Variants in PDE3A observed in about 807,000 individuals in gnomAD.
PDE3A encodes the protein phosphodiesterase 3A.
In PDE3A, 43 loss-of-function variants were observed where a neutral mutation model predicts 98.3. The ratio of observed to expected loss-of-function variants is 0.44; its 90% confidence interval spans 0.34 to 0.56. The LOEUF is 0.56. Ranked by LOEUF, PDE3A falls within the 20% of genes least tolerant of loss-of-function variation. PDE3A has a pLI of 0.01. For synonymous variants in PDE3A, 663 were observed against 567.9 expected (o/e 1.17, Z -2.38); for missense variants, 1,427 against 1,440.7 (o/e 0.99, Z 0.15).
rs58133440 is a variant in PDE3A at position 20,631,700 on chromosome 12, A to ATTTTTT, written c.1760+1584_1760+1589dup. Among the ~76,000 whole-genome samples the ATTTTTT allele has an allele frequency of 1.0e-3, 121 of 116,870 alleles. 1 individual carries two copies. The highest frequency in any genetic ancestry group is 1.3e-3 in the Admixed American group (15 of 11,838). The allele number at this position is 116,870 out of a possible 152,430, so 76.7% of individuals were successfully genotyped here. ...CACGCAGCTTTTTTCATCATAGTGT[A>ATTTTTT]TTTTTTTTTTTTTTTTGTATTCTTA... On this transcript the variant is annotated intron_variant, in intron 6 of 15. Transcript: ENST00000359062.
chr12:20,558,677 A>T (rs918191841), intron 2 of PDE3A, among the ~76,000 whole-genome samples: 1 of 146,990 alleles, frequency 6.8e-6, no homozygotes, highest in Non-Finnish European at 1.5e-5. Flanking sequence ...TCTGATTTCA[A>T]TTCCCTGCTG....
intron 1 of PDE3A, among the ~76,000 whole-genome samples, chr12:20,432,881 G>A (rs1309556329): frequency 6.6e-6 from 1 of 151,912 alleles, no homozygotes; most frequent in Non-Finnish European, 1.5e-5. Flanking sequence ...TTGTGCTGGA[G>A]TAGAAAACCC....
At chr12:20,400,774 T>C (rs575942877) in intron 1 of PDE3A, among the ~76,000 whole-genome samples, 14 of 152,306 alleles carry the variant, frequency 9.2e-5, no homozygotes, top group African/African-American at 3.1e-4. Context: ...CTTTTCTCTA[T>C]TGCTAATTTT....
intron 8 of PDE3A, among the ~76,000 whole-genome samples, chr12:20,636,741 T>C (rs1944523253): frequency 6.6e-6 from 1 of 152,190 alleles, no homozygotes; most frequent in Non-Finnish European, 1.5e-5. Flanking sequence ...TTACATGTAA[T>C]TTCAGAATAT....
chr12:20,626,690 G>A (rs1944270600), intron 5 of PDE3A, among the ~76,000 whole-genome samples: 1 of 152,032 alleles, frequency 6.6e-6, no homozygotes, highest in Admixed American at 6.6e-5. Flanking sequence ...TAGAGATGGG[G>A]TTTCACCATG....
chr12:20,645,292 T>G (rs73238407), intron 10 of PDE3A, among the ~76,000 whole-genome samples: 35,336 of 151,942 alleles, frequency 0.23, 4,526 homozygotes, highest in East Asian at 0.44. Flanking sequence ...AGCTGCATAT[T>G]GTCACTTAAA....
chr12:20,589,297 G>A (rs527620294), intron 2 of PDE3A, among the ~76,000 whole-genome samples: 3 of 151,860 alleles, frequency 2.0e-5, no homozygotes, highest in East Asian at 3.9e-4. Flanking sequence ...AGAGCAAATT[G>A]GAAATTGAAA....
chr12:20,648,847 G>T lies in PDE3A; in HGVS notation c.2725G>T (p.Asp909Tyr). ...TGTCATTGAAGCAATTTTGGCCACT[G>T]ACCTGAAGAAACACTTTGACTTCGT... is the stretch of plus-strand genomic sequence containing the variant. Reference protein sequence around the residue: ...FLVIEAILATDLKKHFDFVAK... With the variant: ...FLVIEAILATYLKKHFDFVAK... Residue 909 changes from aspartate (D) to tyrosine (Y), a missense_variant, in exon 13 of 16, where the codon GAC becomes TAC. Asp to Tyr is a radical substitution (Grantham distance 160). Around this residue, in one of 3 missense-constraint regions of PDE3A, gnomAD observed 273 missense variants for 420.3 expected, o/e 0.65. Transcript: ENST00000359062. The T allele has an allele frequency of 6.2e-7, 1 of 1,613,386 alleles. No individual in the cohort carries two copies. Among genetic ancestry groups the T allele is most frequent in the Non-Finnish European group, 8.5e-7 (1 of 1,179,764 alleles).
intron 1 of PDE3A, among the ~76,000 whole-genome samples, chr12:20,465,656 G>A (rs943934914): frequency 1.3e-5 from 2 of 152,170 alleles, no homozygotes; most frequent in East Asian, 1.9e-4. Context: ...TAATCTGCCC[G>A]CCTCAGCCTC....
chr12:20,574,213 T>C (rs1401797982), intron 2 of PDE3A, among the ~76,000 whole-genome samples: 1 of 152,058 alleles, frequency 6.6e-6, no homozygotes, highest in Non-Finnish European at 1.5e-5. Flanking sequence ...GGGGTAAAAT[T>C]AACTATACCT....
chr12:20,631,270 C>A (rs549220992), intron 6 of PDE3A, among the ~76,000 whole-genome samples: 1 of 152,264 alleles, frequency 6.6e-6, no homozygotes, highest in East Asian at 1.9e-4. Context: ...CACAAAAGAG[C>A]AAGTTCTGTA....
Position 20,616,397 on chromosome 12 carries a change from T to C in PDE3A, c.1424+13T>C. ...CACCTTCATCCAGGTGGCATACGGC[T>C]CCTGCTGGTTTAATGTCTCTTAGAG... On this transcript the variant is annotated intron_variant, in intron 4 of 15. Coordinates refer to ENST00000359062, the MANE Select transcript of PDE3A (RefSeq NM_000921.5). 1 of 1,611,066 alleles carries C rather than the reference T, an allele frequency of 6.2e-7. No individual in the cohort carries two copies. Among genetic ancestry groups the C allele is most frequent in the East Asian group, 2.2e-5 (1 of 44,790 alleles).
At chr12:20,527,473 A>G (rs1353248939) in intron 1 of PDE3A, among the ~76,000 whole-genome samples, 1 of 152,168 alleles carries the variant, frequency 6.6e-6, no homozygotes, top group African/African-American at 2.4e-5. Context: ...AGATAAATAG[A>G]AAGGCTATGA....
chr12:20,408,448 G>A (rs1484775855), intron 1 of PDE3A, among the ~76,000 whole-genome samples: 1 of 151,994 alleles, frequency 6.6e-6, no homozygotes, highest in Non-Finnish European at 1.5e-5. Context: ...TGGCTGTTTG[G>A]CTCTGTTAAT....
chr12:20,549,917 G>T (rs1433071821), intron 1 of PDE3A, among the ~76,000 whole-genome samples: 1 of 152,074 alleles, frequency 6.6e-6, no homozygotes, highest in African/African-American at 2.4e-5. Flanking sequence ...CATCTTACAA[G>T]CTCTGATTTG....
chr12:20,370,001 C>G lies in PDE3A; in HGVS notation c.717C>G (p.Tyr239Ter), dbSNP rs1159994062. ...GGTTCAAGGTCGCCTGGAGACCTTACCTGGCGTACCTGGCCGGCGTGCTGG... is the reference window on the plus strand; with the variant it reads ...GGTTCAAGGTCGCCTGGAGACCTTAGCTGGCGTACCTGGCCGGCGTGCTGG... ...LERFKVAWRP[Y>*]LAYLAGVLGI... Residue 239 changes from tyrosine to a stop codon, truncating the protein, a stop_gained, in exon 1 of 16, where the codon TAC (tyrosine) becomes TAG (stop). Coordinates refer to ENST00000359062, the MANE Select transcript of PDE3A (RefSeq NM_000921.5). LOFTEE classifies it high-confidence loss of function. 4 of 1,613,074 alleles carry G rather than the reference C, an allele frequency of 2.5e-6. No individual in the cohort carries two copies. The highest frequency in any genetic ancestry group is 3.4e-6 in the Non-Finnish European group (4 of 1,179,958).
chr12:20,450,101 G>T, intron 1 of PDE3A: 1 of 505,530 alleles, frequency 2.0e-6, no homozygotes, highest in South Asian at 2.8e-5. Flanking sequence ...TCTTGGATTT[G>T]ATGCTGCTCC....
chr12:20,642,515 A>G (rs1013654010), intron 10 of PDE3A, among the ~76,000 whole-genome samples: 1 of 152,188 alleles, frequency 6.6e-6, no homozygotes, highest in African/African-American at 2.4e-5. Context: ...ACTTAATAAA[A>G]AATCCATTCA....
At position 20,530,785 on chromosome 12, in the gene PDE3A, G is replaced by A. The variant is rs184070493; in HGVS notation, c.961-25875G>A. Among the ~76,000 whole-genome samples, 690 of 152,086 alleles carry A rather than the reference G, an allele frequency of 4.5e-3. 3 individuals are homozygous for A. Among genetic ancestry groups the A allele is most frequent in the Non-Finnish European group, 7.4e-3 (505 of 67,978 alleles). ...AAGGATCATTCAAGTCCTCCTATAG[G>A]CCTCTTGATCTGTACATTAATTGGA... On this transcript the variant is annotated intron_variant, in intron 1 of 15. Transcript: ENST00000359062.
Sources: gnomAD v4.1 joint callset for allele counts (sites outside exome capture counted in the v4.1 genomes callset) on GRCh38, gnomAD v4.1.1 for gene constraint, gnomAD v4.1.1 regional missense constraint, MANE v1.5 for transcripts, NCBI Gene and HGNC (gene_info 2026-07-23, HGNC 2026-07-21) for gene names.